MON2: variants seen among roughly 807,000 people sequenced by gnomAD.
MON2 encodes protein MON2 homolog.
Under a neutral mutation model 208.6 loss-of-function variants are expected in MON2, and 84 were observed. The ratio of observed to expected loss-of-function variants is 0.40; its 90% confidence interval spans 0.34 to 0.48. The LOEUF (loss-of-function observed/expected upper bound fraction) is 0.48, where lower values mean the gene tolerates loss of function less well. Ranked by LOEUF, MON2 falls within the 20% of genes least tolerant of loss-of-function variation. The pLI is 0.59. For missense variants in MON2, 1,611 were observed against 2,015.4 expected, an observed-to-expected ratio of 0.80 and a Z score of 3.84; for synonymous variants, 660 against 694.0, an observed-to-expected ratio of 0.95 and a Z score of 0.77.
At chr12:62,507,288 TTTTC>T (rs1460491186) in intron 7 of MON2, among the ~76,000 whole-genome samples, 2 of 151,948 alleles carry the variant, frequency 1.3e-5, no homozygotes, top group Admixed American at 1.3e-4. Context: ...GCTTGTTTTC[TTTTC>T]TTTCTTTTTT....
At chr12:62,488,312 G>A (rs1385448837) in intron 2 of MON2, among the ~76,000 whole-genome samples, 1 of 152,138 alleles carries the variant, frequency 6.6e-6, no homozygotes, top group African/African-American at 2.4e-5. Flanking sequence ...ATCTGAGACT[G>A]AGTCTGGAAG....
chr12:62,497,497 A>G (rs1317092375), intron 4 of MON2, among the ~76,000 whole-genome samples: 1 of 152,336 alleles, frequency 6.6e-6, no homozygotes, highest in African/African-American at 2.4e-5. Flanking sequence ...TAGAATAGTT[A>G]CGATGAAAAA....
At chr12:62,541,766 T>C (rs189294734) in intron 19 of MON2, among the ~76,000 whole-genome samples, 23 of 152,316 alleles carry the variant, frequency 1.5e-4, no homozygotes, top group Admixed American at 9.8e-4. Flanking sequence ...GGCCACATTC[T>C]AGGTTTTTGA....
intron 23 of MON2, among the ~76,000 whole-genome samples, chr12:62,552,042 G>A (rs1403808405): frequency 6.6e-6 from 1 of 152,020 alleles, no homozygotes; most frequent in Non-Finnish European, 1.5e-5. Flanking sequence ...CCTAAATACA[G>A]TATAACTAGT....
At position 62,560,692 on chromosome 12, in the gene MON2, G is replaced by T; in HGVS notation, c.3611G>T (p.Gly1204Val). 1 of 1,613,996 alleles carries T rather than the reference G, an allele frequency of 6.2e-7. No homozygotes were observed. The highest frequency in any genetic ancestry group is 8.5e-7 in the Non-Finnish European group (1 of 1,179,970). Residue 1204 changes from glycine (G) to valine (V), a missense_variant, in exon 26 of 35, where the codon GGC becomes GTC. Transcript: ENST00000393630. ...PVPVLIGPISGMSRPFVRTDS... is the reference protein window; with the variant it reads ...PVPVLIGPISVMSRPFVRTDS... The stretch of plus-strand genomic sequence containing the variant: ...CCTGTTCTTATAGGGCCCATATCAG[G>T]CATGAGCAGGCCATTTGTAAGAACA...
At chr12:62,481,201 G>A (rs376660963) in intron 1 of MON2, among the ~76,000 whole-genome samples, 68 of 152,120 alleles carry the variant, frequency 4.5e-4, no homozygotes, top group African/African-American at 1.5e-3. Flanking sequence ...AAATTTTACC[G>A]TATATTGGAA....
intron 19 of MON2, among the ~76,000 whole-genome samples, chr12:62,541,224 T>G (rs1478754936): frequency 6.6e-6 from 1 of 151,950 alleles, no homozygotes. Flanking sequence ...CTACTAAAAG[T>G]ACAAAAATTA....
intron 2 of MON2, among the ~76,000 whole-genome samples, chr12:62,493,076 G>A (rs2070268717): frequency 1.3e-5 from 2 of 152,122 alleles, no homozygotes; most frequent in South Asian, 4.2e-4. Flanking sequence ...AATCGCTTAT[G>A]AGTTTAATGT....
chr12:62,515,937 A>C (rs752183329), intron 8 of MON2, among the ~76,000 whole-genome samples: 5 of 152,184 alleles, frequency 3.3e-5, no homozygotes, highest in Non-Finnish European at 7.4e-5. Flanking sequence ...ACAATTAAAT[A>C]TTTTTTAATA....
intron 19 of MON2, among the ~76,000 whole-genome samples, chr12:62,541,262 T>C (rs1318708075): frequency 2.6e-5 from 4 of 151,594 alleles, no homozygotes; most frequent in Non-Finnish European, 4.4e-5. Context: ...ACACCTATAA[T>C]CCCAGCTGTT....
chr12:62,529,173 A>C (rs1485825593), intron 11 of MON2, among the ~76,000 whole-genome samples: 1 of 152,228 alleles, frequency 6.6e-6, no homozygotes, highest in Non-Finnish European at 1.5e-5. Context: ...TTTCATAATC[A>C]ACAATGTAAA....
chr12:62,585,041 G>A (rs568561787), intron 32 of MON2, among the ~76,000 whole-genome samples: 1 of 139,038 alleles, frequency 7.2e-6, no homozygotes, highest in African/African-American at 2.8e-5. Context: ...GATCTTGTGA[G>A]GGGGAATTTG....
chr12:62,550,473 GAT>G (rs2073691356), intron 23 of MON2, among the ~76,000 whole-genome samples: 1 of 152,168 alleles, frequency 6.6e-6, no homozygotes, highest in Non-Finnish European at 1.5e-5. Context: ...AGTGAGCTAT[GAT>G]CACAGCACTG....
At chr12:62,509,611 A>T (rs1447199326) in intron 8 of MON2, among the ~76,000 whole-genome samples, 1 of 152,202 alleles carries the variant, frequency 6.6e-6, no homozygotes, top group Non-Finnish European at 1.5e-5. Flanking sequence ...TCAAGTGCAC[A>T]TAGATTATGC....
intron 21 of MON2, 27 bp from the exon 22 acceptor site, chr12:62,546,870 C>T: frequency 6.5e-7 from 1 of 1,536,980 alleles, no homozygotes. Context: ...ACTTCTCTTC[C>T]TAATTAGTTT....
intron 30 of MON2, among the ~76,000 whole-genome samples, chr12:62,576,352 C>CT (rs1295657758): frequency 6.6e-6 from 1 of 151,736 alleles, no homozygotes; most frequent in African/African-American, 2.4e-5. Flanking sequence ...GGGTACAGAT[C>CT]TTTTTGGGGG....
rs1311071314 is a variant in MON2 at position 62,484,230 on chromosome 12, G to T, written c.172G>T (p.Ala58Ser). The change falls in exon 2 of 35, where the codon GCA becomes TCA. Residue 58 changes from alanine (A) to serine (S), a missense_variant. By Grantham distance (99) the Ala-to-Ser change is moderately conservative (BLOSUM62 1). Coordinates refer to ENST00000393630, the MANE Select transcript of MON2 (RefSeq NM_015026.3). ...TIAARNTEIL[A>S]ALKENSSEVV... Reference sequence around the variant, plus strand: ...TGCTGCACGAAACACTGAAATTTTGGCAGGTAATTTTTTGTATTAAAAATT... The same window carrying T: ...TGCTGCACGAAACACTGAAATTTTGTCAGGTAATTTTTTGTATTAAAAATT... 2 of 1,593,426 alleles carry T rather than the reference G, an allele frequency of 1.3e-6. No homozygotes were observed. The highest frequency in any genetic ancestry group is 1.7e-6 in the Non-Finnish European group (2 of 1,169,694).
chr12:62,474,067 T>C (rs1221811689), intron 1 of MON2, among the ~76,000 whole-genome samples: 9 of 152,004 alleles, frequency 5.9e-5, no homozygotes, highest in Non-Finnish European at 1.3e-4. Context: ...CAAACACATC[T>C]AGGACGTTTT....
Position 62,594,485 on chromosome 12 carries a change from C to A in MON2, c.*1736C>A, listed in dbSNP as rs576336008. On this transcript the variant is annotated 3_prime_UTR_variant, in exon 35 of 35. Transcript: ENST00000393630. ...TTCCTTAAAGTTGTAAAAAATCAAGCTATGTACTTATTTTCTATATTTGGG... is the reference window on the plus strand; with the variant it reads ...TTCCTTAAAGTTGTAAAAAATCAAGATATGTACTTATTTTCTATATTTGGG... 6.6e-6 allele frequency: 1 copy of A among 152,112 alleles called. No individual in the cohort carries two copies. The highest frequency in any genetic ancestry group is 1.5e-5 in the Non-Finnish European group (1 of 68,008). 9.4% of individuals were successfully genotyped at this position (152,112 alleles called of 1,614,324 possible).
Sources: gnomAD v4.1 joint callset for allele counts (sites outside exome capture counted in the v4.1 genomes callset) on GRCh38, gnomAD v4.1.1 for gene constraint, MANE v1.5 for transcripts, NCBI Gene and HGNC (gene_info 2026-07-23, HGNC 2026-07-21) for gene names.